The following QSOX2 variants were observed in gnomAD, a reference collection of about 807,000 sequenced individuals.
QSOX2 encodes the protein quiescin sulfhydryl oxidase 2, also known as sulfhydryl oxidase 2.
Under a neutral mutation model 61.7 loss-of-function variants are expected in QSOX2, and 46 were observed. The observed-to-expected ratio is 0.75, with a 90% CI of 0.59 to 0.95. The LOEUF (loss-of-function observed/expected upper bound fraction) is 0.95, where lower values mean the gene tolerates loss of function less well. Ranked by LOEUF, QSOX2 falls within the 40% of genes least tolerant of loss-of-function variation. QSOX2 has a pLI of 0.00. For missense variants in QSOX2, 879 were observed against 918.9 expected, an observed-to-expected ratio of 0.96 and a Z score of 0.56; for synonymous variants, 383 against 388.4, an observed-to-expected ratio of 0.99 and a Z score of 0.16.
intron 1 of QSOX2, among the ~76,000 whole-genome samples, chr9:136,238,884 G>C (rs534966302): frequency 3.9e-5 from 6 of 152,346 alleles, no homozygotes; most frequent in Non-Finnish European, 8.8e-5. Flanking sequence ...CGGGCGTGGT[G>C]GTACCTGCCC....
At chr9:136,232,379 G>C (rs1042339504) in intron 1 of QSOX2, among the ~76,000 whole-genome samples, 1 of 152,106 alleles carries the variant, frequency 6.6e-6, no homozygotes, top group Non-Finnish European at 1.5e-5. Flanking sequence ...TTCAACAAAT[G>C]TATTGGGAAA....
At chr9:136,237,221 T>A (rs1830392944) in intron 1 of QSOX2, among the ~76,000 whole-genome samples, 1 of 140,428 alleles carries the variant, frequency 7.1e-6, no homozygotes, top group Non-Finnish European at 1.5e-5. Context: ...CGGCGTCACT[T>A]GGAGCCTGTC....
chr9:136,245,452 T>G (rs1474220969), intron 1 of QSOX2, 24 bp downstream of exon 1: 56 of 1,554,668 alleles, frequency 3.6e-5, no homozygotes, highest in East Asian at 4.8e-5. Flanking sequence ...GGTCGGGGGG[T>G]CCCCGCGCGG....
intron 11 of QSOX2, chr9:136,210,425 C>G (rs1379987064): frequency 1.1e-5 from 11 of 985,320 alleles, no homozygotes; most frequent in Non-Finnish European, 1.2e-5. Context: ...CAGGTCCAGG[C>G]AGGCCTGGCG....
chr9:136,229,665 C>T (rs937701891), intron 1 of QSOX2, among the ~76,000 whole-genome samples: 3 of 152,162 alleles, frequency 2.0e-5, no homozygotes, highest in Admixed American at 6.5e-5. Context: ...AAGAAGAAAA[C>T]GTTCCAAGAT....
At chr9:136,219,731 A>G (rs952020170) in intron 6 of QSOX2, among the ~76,000 whole-genome samples, 1 of 152,238 alleles carries the variant, frequency 6.6e-6, no homozygotes, top group African/African-American at 2.4e-5. Flanking sequence ...TGAGCACTTC[A>G]GTGTGACGTG....
intron 1 of QSOX2, among the ~76,000 whole-genome samples, chr9:136,237,757 C>T (rs1474188796): frequency 2.6e-5 from 4 of 152,182 alleles, no homozygotes; most frequent in South Asian, 2.1e-4. Context: ...ACACCTGGAG[C>T]CCATCCTGTG....
intron 1 of QSOX2, among the ~76,000 whole-genome samples, chr9:136,236,697 AGTCCTGTGCCTGCGTCACGTGGAGCTC>A (rs1399907111): frequency 6.6e-6 from 1 of 150,930 alleles, no homozygotes; most frequent in African/African-American, 2.4e-5. Flanking sequence ...ACCTGAAGCC[AGTCCTGTGCCTGCGTCACGTGGAGCTC>A]GTCCTGGGTC....
Position 136,223,755 on chromosome 9 carries a change from G to A in QSOX2, c.675+8C>T, listed in dbSNP as rs775305547. 3.7e-5 allele frequency: 60 copies of A among 1,612,600 alleles called. No homozygotes were observed. Among genetic ancestry groups the A allele is most frequent in the Non-Finnish European group, 5.1e-5 (60 of 1,179,040 alleles). On this transcript the variant is annotated splice_region_variant and intron_variant, in intron 5 of 11. Coordinates refer to ENST00000358701, the MANE Select transcript of QSOX2 (RefSeq NM_181701.4). This position sits in a 1 kb window ranked among gnomAD's most constrained non-coding sequence, Gnocchi z 4.4. The stretch of plus-strand genomic sequence containing the variant: ...GTGTGACACCTGGAGCCCACGCAGA[G>A]GCCGTACCTCCCGTCCAAGGTAGGA...
intron 11 of QSOX2, chr9:136,210,140 G>A (rs1831827955): frequency 1.0e-6 from 1 of 985,482 alleles, no homozygotes; most frequent in African/African-American, 1.7e-5. Flanking sequence ...AGCCAGAGGG[G>A]ACAAGCACAG....
In QSOX2 at chr9:136,208,996, C is replaced by T. The variant is rs375837990; in HGVS notation, c.1829G>A (p.Arg610His). The change falls in exon 12 of 12, where the codon CGT becomes CAT. Residue 610 changes from arginine to histidine, a missense_variant. Physicochemically the swap from Arg to His is conservative, Grantham distance 29 (BLOSUM62 0). Transcript: ENST00000358701. Reference protein sequence around the residue: ...SHGDRDTQSVRPPGALGPRPA... With the variant: ...SHGDRDTQSVHPPGALGPRPA... Reference sequence around the variant, plus strand: ...CCTGGGGCCCAGTGCACCAGGTGGACGGACGCTCTGGGTGTCTCGGTCTCC... The same window carrying T: ...CCTGGGGCCCAGTGCACCAGGTGGATGGACGCTCTGGGTGTCTCGGTCTCC... The T allele has an allele frequency of 4.3e-6, 7 of 1,613,634 alleles. No homozygotes were observed. The highest frequency in any genetic ancestry group is 2.7e-5 in the African/African-American group (2 of 74,920).
intron 1 of QSOX2, among the ~76,000 whole-genome samples, chr9:136,235,367 C>T (rs1830371890): frequency 6.6e-6 from 1 of 152,166 alleles, no homozygotes; most frequent in Non-Finnish European, 1.5e-5. Context: ...CACTGCTGGG[C>T]CCTTACGGGG....
intron 10 of QSOX2, among the ~76,000 whole-genome samples, chr9:136,212,406 G>A (rs117694454): frequency 0.014 from 2,082 of 152,376 alleles, 22 homozygotes; most frequent in Middle Eastern, 0.031. Flanking sequence ...AGCTTCCCGC[G>A]TGAGTGCAGG....
chr9:136,237,080 T>C, intron 1 of QSOX2, among the ~76,000 whole-genome samples: 1 of 123,514 alleles, frequency 8.1e-6, no homozygotes. Flanking sequence ...CTGGTGCCCG[T>C]CCTGTGCCAC....
At chr9:136,225,276 G>A (rs1830268699) in intron 2 of QSOX2, among the ~76,000 whole-genome samples, 1 of 152,234 alleles carries the variant, frequency 6.6e-6, no homozygotes, top group African/African-American at 2.4e-5. Context: ...CAACACGGAG[G>A]ATGTGCAGGA....
intron 7 of QSOX2, 59 bp downstream of exon 7, chr9:136,218,971 C>T (rs865807908): frequency 8.2e-6 from 13 of 1,594,500 alleles, no homozygotes; most frequent in Middle Eastern, 3.3e-4. Context: ...CCTGCAAGCA[C>T]GCAGCCTTCG....
chr9:136,218,874 C>G, intron 7 of QSOX2, 66 bp from the exon 8 acceptor site: 1 of 1,588,954 alleles, frequency 6.3e-7, no homozygotes, highest in Non-Finnish European at 8.6e-7. Flanking sequence ...TCTCCCTGTC[C>G]TGGCTCCTCC....
chr9:136,221,696 G>C lies in QSOX2; in HGVS notation c.821+100C>G. 7.5e-7 allele frequency: 1 copy of C among 1,325,062 alleles called. No individual in the cohort carries two copies. Among genetic ancestry groups the C allele is most frequent in the African/African-American group, 1.5e-5 (1 of 67,082 alleles). The allele number at this position is 1,325,062 out of a possible 1,614,324, so 82.1% of individuals were successfully genotyped here. ...CAGGGAAGCGAGGCGGAGGGGCCAG[G>C]GCTCCCCCGATCTCACACCAGACTT... On this transcript the variant is annotated intron_variant, in intron 6 of 11. Transcript: ENST00000358701. The surrounding 1 kb of genome is among the most constrained non-coding windows in gnomAD (Gnocchi z 4.5).
At chr9:136,217,232 C>T (rs1588634036) in intron 8 of QSOX2, among the ~76,000 whole-genome samples, 1 of 151,886 alleles carries the variant, frequency 6.6e-6, no homozygotes, top group East Asian at 1.9e-4. Context: ...GGCTGGCCGA[C>T]ATCAACACAG....
Sources: allele counts gnomAD v4.1 joint callset (sites outside exome capture counted in the v4.1 genomes callset), GRCh38; gene constraint gnomAD v4.1.1; non-coding constraint Gnocchi (gnomAD v3.1); transcripts MANE v1.5; gene names NCBI Gene and HGNC (gene_info 2026-07-23, HGNC 2026-07-21).